BET1L: variants seen among roughly 807,000 people sequenced by gnomAD.
The protein encoded by BET1L is BET1-like protein.
BET1L carries 13 observed loss-of-function variants against 12.6 expected under a neutral mutation model. The ratio of observed to expected loss-of-function variants is 1.03; its 90% CI spans 0.67 to 1.64. The LOEUF (loss-of-function observed/expected upper bound fraction) is 1.64, where lower values mean the gene tolerates loss of function less well. Among genes scored for constraint, BET1L ranks in the 40% most tolerant of loss-of-function variants. The pLI is 0.00. For synonymous variants in BET1L, 60 were observed against 56.9 expected, an observed-to-expected ratio of 1.05 and a Z score of -0.25; for missense variants, 154 against 150.7, an observed-to-expected ratio of 1.02 and a Z score of -0.11.
At chr11:206,759 T>A (rs1397714043) in intron 1 of BET1L, among the ~76,000 whole-genome samples, 2 of 152,186 alleles carry the variant, frequency 1.3e-5, no homozygotes, top group Non-Finnish European at 1.5e-5. Flanking sequence ...ACCTCCTCCC[T>A]AGCTTCAGTG....
intron 1 of BET1L, chr11:207,025 G>A (rs984618140): frequency 4.0e-5 from 19 of 480,444 alleles, no homozygotes; most frequent in Non-Finnish European, 6.3e-5. Flanking sequence ...CATGCAGAAC[G>A]ATCTCACAGG....
At chr11:206,101 C>T in intron 1 of BET1L, 58 bp from the exon 2 acceptor site, 2 of 1,478,560 alleles carry the variant, frequency 1.4e-6, no homozygotes, top group Non-Finnish European at 1.9e-6. Flanking sequence ...CCCCTGACCC[C>T]TCTCACTCCA....
chr11:204,458 G>T lies in BET1L; in HGVS notation c.*844C>A, dbSNP rs1387323378. 6.6e-6 allele frequency: 1 copy of T among 152,234 alleles called. No homozygotes were observed. Among genetic ancestry groups the T allele is most frequent in the South Asian group, 2.1e-4 (1 of 4,838 alleles). The allele number at this position is 152,234 out of a possible 1,614,324, so 9.4% of individuals were successfully genotyped here. Reference sequence around the variant, plus strand: ...TGATAGCCCTCACAGGAACCTTCTTGTGTAGACCCACAGAAGCTCCCTGGC... The same window carrying T: ...TGATAGCCCTCACAGGAACCTTCTTTTGTAGACCCACAGAAGCTCCCTGGC... On this transcript the variant is annotated 3_prime_UTR_variant, in exon 4 of 4. Transcript: ENST00000382762.
chr11:207,248 C>T lies in BET1L; in HGVS notation c.19+55G>A, dbSNP rs995791844. On this transcript the variant is annotated intron_variant, in intron 1 of 3. Coordinates refer to ENST00000382762, the MANE Select transcript of BET1L (RefSeq NM_001098787.2). ...CAGGCGCACGCGGCTCTACAGGCAG[C>T]GGCGTCGGTTTCGGCCCGGCCCTGC... 7.3e-6 allele frequency: 11 copies of T among 1,507,750 alleles called. No individual in the cohort carries two copies. The Admixed American group carries it at 1.6e-4, about 22-fold the overall frequency. 93.4% of individuals were successfully genotyped at this position (1,507,750 alleles called of 1,614,324 possible).
Position 205,399 on chromosome 11 carries a change from G to A in BET1L, c.239C>T (p.Ser80Phe). The change falls in exon 4 of 4, where the codon TCC becomes TTC. Residue 80 changes from serine (S) to phenylalanine (F), a missense_variant. By Grantham distance (155) the Ser-to-Phe change is radical (BLOSUM62 -2). Coordinates refer to ENST00000382762, the MANE Select transcript of BET1L (RefSeq NM_001098787.2). ...SVKRFSTMARSGQDNRKLLCG... is the reference protein window; with the variant it reads ...SVKRFSTMARFGQDNRKLLCG... ...TAGAAGCTTCCGGTTGTCTTGTCCG[G>A]ACCTTGCCATTGTGGAAAAGCGCTT... The A allele has an allele frequency of 1.2e-6, 2 of 1,614,212 alleles. No individual in the cohort carries two copies. The highest frequency in any genetic ancestry group is 1.7e-6 in the Non-Finnish European group (2 of 1,180,052).
Position 205,483 on chromosome 11 carries a change from C to A in BET1L, c.169-14G>T, listed in dbSNP as rs1434498315. 3 of 1,614,204 alleles carry A rather than the reference C, an allele frequency of 1.9e-6. No homozygotes were observed. On this transcript the variant is annotated splice_polypyrimidine_tract_variant and intron_variant, in intron 3 of 3. Coordinates refer to ENST00000382762, the MANE Select transcript of BET1L (RefSeq NM_001098787.2). ...GAAATCCGAGTCCTAAGGGAGGAAT[C>A]CCAGCAAGATCACACAGAAGTGGTG...
At position 203,275 on chromosome 11, in the gene BET1L, G is replaced by C. The variant is rs893138240; in HGVS notation, c.*2027C>G. The C allele has an allele frequency of 9.9e-5, 15 of 152,238 alleles. No individual in the cohort carries two copies. Among genetic ancestry groups the C allele is most frequent in the African/African-American group, 3.4e-4 (14 of 41,450 alleles). 9.4% of individuals were successfully genotyped at this position (152,238 alleles called of 1,614,324 possible). ...AAGAGCAAACCACAAAGGAATTCCA[G>C]CTCAGACCCCAAAGTACCTGGGAGA... On this transcript the variant is annotated 3_prime_UTR_variant, in exon 4 of 4. Coordinates refer to ENST00000382762, the MANE Select transcript of BET1L (RefSeq NM_001098787.2).
In BET1L at chr11:207,359, C is replaced by CGGCCACAGCCGCCTCAGACTT; in HGVS notation, c.-39_-38insAAGTCTGAGGCGGCTGTGGCC. ...CGGCTCCTCGACGCGGACACCGACG[C>CGGCCACAGCCGCCTCAGACTT]GGCCACAGCCGCCTCAGACGTGGCG... On this transcript the variant is annotated 5_prime_UTR_variant, in exon 1 of 4. Transcript: ENST00000382762. The CGGCCACAGCCGCCTCAGACTT allele has an allele frequency of 2.7e-6, 4 of 1,506,518 alleles. No homozygotes were observed. The East Asian group carries it at 7.7e-5, about 29-fold the overall frequency. 93.3% of individuals were successfully genotyped at this position (1,506,518 alleles called of 1,614,324 possible).
Position 204,386 on chromosome 11 carries a change from G to A in BET1L, c.*916C>T, listed in dbSNP as rs1478626292. ...CATCACAGCCAGGGGAGTCTGGCAG[G>A]GCTTGGCGGAGGCGCCAAAGTTACC... On this transcript the variant is annotated 3_prime_UTR_variant, in exon 4 of 4. Transcript: ENST00000382762. 1 of 152,278 alleles carries A rather than the reference G, an allele frequency of 6.6e-6. No individual in the cohort carries two copies. The highest frequency in any genetic ancestry group is 1.5e-5 in the Non-Finnish European group (1 of 68,084). 9.4% of individuals were successfully genotyped at this position (152,278 alleles called of 1,614,324 possible).
At position 205,956 on chromosome 11, in the gene BET1L, T is replaced by C. The variant is rs1049879356; in HGVS notation, c.107A>G (p.Lys36Arg). The C allele has an allele frequency of 1.9e-6, 3 of 1,613,850 alleles. No homozygotes were observed. Among genetic ancestry groups the C allele is most frequent in the Middle Eastern group, 1.6e-4 (1 of 6,084 alleles). The part of the protein sequence containing the change: ...DSLASKVTRL[K>R]SLALDIDRDA... ...AGAGGACAGACCACCACTGACCGAT[T>C]TGAGCCTGGTGACTTTGGAGGCCAG... is the stretch of plus-strand genomic sequence containing the variant. Residue 36 changes from lysine (K) to arginine (R), a missense_variant, in exon 2 of 4, where the codon AAA becomes AGA. Physicochemically the swap from Lys to Arg is conservative, Grantham distance 26 (BLOSUM62 2). Transcript: ENST00000382762.
chr11:204,716 G>A lies in BET1L; in HGVS notation c.*586C>T, dbSNP rs552944594. The A allele has an allele frequency of 5.7e-5, 9 of 156,588 alleles. No individual in the cohort carries two copies. Among genetic ancestry groups the A allele is most frequent in the Non-Finnish European group, 1.3e-4 (9 of 70,906 alleles). The allele number at this position is 156,588 out of a possible 1,614,324, so 9.7% of individuals were successfully genotyped here. ...CCAAGGGTCTCACTTCATCGAAGGCGCAGATAACACAGTAGGGTGGCCTCC... is the reference window on the plus strand; with the variant it reads ...CCAAGGGTCTCACTTCATCGAAGGCACAGATAACACAGTAGGGTGGCCTCC... On this transcript the variant is annotated 3_prime_UTR_variant, in exon 4 of 4. Coordinates refer to ENST00000382762, the MANE Select transcript of BET1L (RefSeq NM_001098787.2).
intron 2 of BET1L, 108 bp downstream of exon 2, chr11:205,844 G>A (rs1855137973): frequency 6.9e-7 from 1 of 1,454,446 alleles, no homozygotes; most frequent in Non-Finnish European, 9.5e-7. Flanking sequence ...GCCACGAATT[G>A]GATGAGGATG....
chr11:205,103 C>G lies in BET1L; in HGVS notation c.*199G>C, dbSNP rs1328112014. On this transcript the variant is annotated 3_prime_UTR_variant, in exon 4 of 4. Transcript: ENST00000382762. ...GGCCTTGGTTTCCCCGAGAGAGTCC[C>G]TTTCACACATGGGACCAGCCAACAT... is the stretch of plus-strand genomic sequence containing the variant. The G allele has an allele frequency of 2.8e-6, 2 of 704,964 alleles. No individual in the cohort carries two copies. Among genetic ancestry groups the G allele is most frequent in the Admixed American group, 3.0e-5 (1 of 32,798 alleles). 43.7% of individuals were successfully genotyped at this position (704,964 alleles called of 1,614,324 possible).
intron 2 of BET1L, 110 bp from the exon 3 acceptor site, chr11:205,777 G>A: frequency 6.7e-7 from 1 of 1,496,188 alleles, no homozygotes; most frequent in Non-Finnish European, 9.0e-7. Context: ...GACACAGTGG[G>A]GCTGCAGCAG....
At chr11:205,909 C>G (rs747936945) in intron 2 of BET1L, 43 bp downstream of exon 2, 32 of 1,597,590 alleles carry the variant, frequency 2.0e-5, no homozygotes, top group Non-Finnish European at 2.7e-5. Context: ...TCCCCATTCC[C>G]CAAAGGCACC....
In BET1L at chr11:207,398, A is replaced by G. The variant is rs1432282093; in HGVS notation, c.-77T>C. Reference sequence around the variant, plus strand: ...TCAGACGTGGCGCAGTCGCGGGGAAAGAGCTTCCGGCCCCGCCCCCAGCTA... The same window carrying G: ...TCAGACGTGGCGCAGTCGCGGGGAAGGAGCTTCCGGCCCCGCCCCCAGCTA... On this transcript the variant is annotated 5_prime_UTR_variant, in exon 1 of 4. Coordinates refer to ENST00000382762, the MANE Select transcript of BET1L (RefSeq NM_001098787.2). 2.9e-5 allele frequency: 43 copies of G among 1,459,738 alleles called. No individual in the cohort carries two copies. The highest frequency in any genetic ancestry group is 3.5e-5 in the Non-Finnish European group (39 of 1,102,652). The allele number at this position is 1,459,738 out of a possible 1,614,324, so 90.4% of individuals were successfully genotyped here.
At position 205,937 on chromosome 11, in the gene BET1L, C is replaced by T. The variant is rs763415553; in HGVS notation, c.111+15G>A. 6.2e-7 allele frequency: 1 copy of T among 1,612,892 alleles called. No homozygotes were observed. Among genetic ancestry groups the T allele is most frequent in the Non-Finnish European group, 8.5e-7 (1 of 1,179,162 alleles). On this transcript the variant is annotated intron_variant, in intron 2 of 3. Transcript: ENST00000382762. ...AAGGCACCAGGTGGAGGTAAGAGGA[C>T]AGACCACCACTGACCGATTTGAGCC...
chr11:206,477 C>T lies in BET1L; in HGVS notation c.20-434G>A, dbSNP rs554089655. Among the ~76,000 whole-genome samples the T allele has an allele frequency of 1.0e-3, 157 of 152,338 alleles. 1 individual carries two copies. The highest frequency in any genetic ancestry group is 5.1e-4 in the Non-Finnish European group (35 of 68,036). On this transcript the variant is annotated intron_variant, in intron 1 of 3. Transcript: ENST00000382762. ...TACCCAGCAAGGCAGCAGAAAGGCTCCTGCAGAGACGACCTTTGAGCTAGG... is the reference window on the plus strand; with the variant it reads ...TACCCAGCAAGGCAGCAGAAAGGCTTCTGCAGAGACGACCTTTGAGCTAGG...
intron 2 of BET1L, 102 bp downstream of exon 2, chr11:205,850 G>A: frequency 6.8e-7 from 1 of 1,475,104 alleles, no homozygotes; most frequent in Non-Finnish European, 9.4e-7. Flanking sequence ...AATTGGATGA[G>A]GATGGAAAAC....
Sources: allele counts gnomAD v4.1 joint callset (sites outside exome capture counted in the v4.1 genomes callset), GRCh38; gene constraint gnomAD v4.1.1; transcripts MANE v1.5; gene names NCBI Gene and HGNC (gene_info 2026-07-23, HGNC 2026-07-21).